The following RABGEF1 variants were observed in gnomAD, a reference collection of about 807,000 sequenced individuals.
RABGEF1 encodes the protein rab5 GDP/GTP exchange factor.
In RABGEF1, 26 loss-of-function variants were observed where a neutral mutation model predicts 57.3. The observed-to-expected ratio is 0.45, with a 90% CI of 0.33 to 0.63. The LOEUF is 0.63. Ranked by LOEUF, RABGEF1 falls within the 20% of genes least tolerant of loss-of-function variation. RABGEF1 has a pLI of 0.02. For synonymous variants in RABGEF1, 185 were observed against 210.7 expected (o/e 0.88, Z 1.06); for missense variants, 464 against 607.6 (o/e 0.76, Z 2.48).
At chr7:66,768,205 C>CAAATTAT (rs1374155057) in intron 1 of RABGEF1, among the ~76,000 whole-genome samples, 1 of 152,196 alleles carries the variant, frequency 6.6e-6, no homozygotes, top group Non-Finnish European at 1.5e-5. Context: ...GGACAGTTAA[C>CAAATTAT]AAATTGTCTT....
At chr7:66,697,650 A>G (rs529885257) in intron 1 of RABGEF1, among the ~76,000 whole-genome samples, 1 of 151,864 alleles carries the variant, frequency 6.6e-6, no homozygotes, top group Admixed American at 6.6e-5. Flanking sequence ...CTCACCATTC[A>G]CTGAGGATTA....
chr7:66,723,161 G>T (rs1486595597), intron 2 of RABGEF1, among the ~76,000 whole-genome samples: 1 of 152,044 alleles, frequency 6.6e-6, no homozygotes, highest in Non-Finnish European at 1.5e-5. Flanking sequence ...TAGAGACGGG[G>T]TTTCACCATG....
chr7:66,692,293 C>T (rs1791639463), intron 1 of RABGEF1, among the ~76,000 whole-genome samples: 1 of 152,204 alleles, frequency 6.6e-6, no homozygotes, highest in African/African-American at 2.4e-5. Context: ...CGGACCCTTT[C>T]TTTGTTGGCT....
chr7:66,708,462 A>G (rs1303581889), intron 1 of RABGEF1, among the ~76,000 whole-genome samples: 1 of 151,752 alleles, frequency 6.6e-6, no homozygotes, highest in Non-Finnish European at 1.5e-5. Flanking sequence ...TAATTTTTGT[A>G]TTTTTAGTAG....
intron 1 of RABGEF1, among the ~76,000 whole-genome samples, chr7:66,710,736 G>A (rs908179398): frequency 9.2e-5 from 14 of 152,210 alleles, no homozygotes; most frequent in African/African-American, 2.9e-4. Flanking sequence ...TGGGGAAATA[G>A]ACTGTTGAGT....
At chr7:66,753,303 T>C (rs1271785066) in intron 1 of RABGEF1, among the ~76,000 whole-genome samples, 3 of 152,202 alleles carry the variant, frequency 2.0e-5, no homozygotes, top group Admixed American at 2.0e-4. Flanking sequence ...GGGTGTATGA[T>C]TGTCCTATTT....
At chr7:66,771,802 C>T (rs1807216715) in intron 1 of RABGEF1, 81 bp from the exon 2 acceptor site, 1 of 1,043,494 alleles carries the variant, frequency 9.6e-7, no homozygotes, top group Non-Finnish European at 1.3e-6. Context: ...AATGGAATCA[C>T]TCACTTTTTG....
chr7:66,706,499 T>G (rs1794111405), intron 1 of RABGEF1, among the ~76,000 whole-genome samples: 1 of 151,838 alleles, frequency 6.6e-6, no homozygotes, highest in Non-Finnish European at 1.5e-5. Flanking sequence ...ACCCTTTGCC[T>G]CCCGGGTTCA....
At chr7:66,801,490 T>G (rs1398274155) in intron 7 of RABGEF1, among the ~76,000 whole-genome samples, 1 of 152,166 alleles carries the variant, frequency 6.6e-6, no homozygotes, top group East Asian at 1.9e-4. Context: ...TATTCATTCT[T>G]TCTAACTTTT....
At chr7:66,664,376 T>C in the RABGEF1 span, among the ~76,000 whole-genome samples, 3 of 151,604 alleles carry the variant, frequency 2.0e-5, no homozygotes, top group East Asian at 5.8e-4. Flanking sequence ...GGTCAGGAGT[T>C]CAAGACCAGC....
intron 6 of RABGEF1, among the ~76,000 whole-genome samples, chr7:66,798,998 A>G (rs1300755967): frequency 1.3e-5 from 2 of 152,226 alleles, no homozygotes; most frequent in African/African-American, 2.4e-5. Flanking sequence ...ACATTAACGC[A>G]GTAGGCAGCG....
the RABGEF1 span, among the ~76,000 whole-genome samples, chr7:66,670,433 A>ATTTTTTT: frequency 3.4e-5 from 4 of 116,064 alleles, no homozygotes; most frequent in African/African-American, 6.3e-5. Flanking sequence ...GAATGAGATG[A>ATTTTTTT]TTTTTTTTTT....
chr7:66,705,443 A>AAGACAGAGAGAGAG lies in RABGEF1; in HGVS notation c.-872-6721_-872-6720insCAGAGAGAGAGAGA, dbSNP rs540794271. On this transcript the variant is annotated intron_variant and NMD_transcript_variant, in intron 1 of 9. Coordinates refer to the RABGEF1 transcript ENST00000607882. ...CAGAGCGAAACTCCATCTCGAAAGA[A>AAGACAGAGAGAGAG]AGAGAGAGAGAGAGAGAGAGAGAGA... Among the ~76,000 whole-genome samples, 173 of 66,372 alleles carry AAGACAGAGAGAGAG rather than the reference A, an allele frequency of 2.6e-3. 16 individuals are homozygous for AAGACAGAGAGAGAG. Among genetic ancestry groups the AAGACAGAGAGAGAG allele is most frequent in the Middle Eastern group, 0.011 (1 of 92 alleles). 43.5% of individuals were successfully genotyped at this position (66,372 alleles called of 152,430 possible). A position where few individuals can be genotyped will look rare whatever the true frequency, so the allele number is the denominator to read the frequency against.
At chr7:66,700,842 C>A (rs1246728997) in intron 1 of RABGEF1, among the ~76,000 whole-genome samples, 3 of 152,220 alleles carry the variant, frequency 2.0e-5, no homozygotes, top group African/African-American at 4.8e-5. Context: ...AAGGCCCCAG[C>A]GGCCCAGGCC....
upstream of RABGEF1, among the ~76,000 whole-genome samples, chr7:66,681,570 TA>T (rs1315319675): frequency 2.4e-5 from 2 of 83,180 alleles, no homozygotes; most frequent in East Asian, 6.6e-4. Flanking sequence ...GGCTGATTTG[TA>T]AAATTTCTTT....
chr7:66,792,194 C>T (rs149372525), intron 4 of RABGEF1, among the ~76,000 whole-genome samples: 25 of 152,136 alleles, frequency 1.6e-4, no homozygotes, highest in African/African-American at 6.0e-4. Flanking sequence ...ACTCACTGCT[C>T]TACTATCTTT....
intron 1 of RABGEF1, among the ~76,000 whole-genome samples, chr7:66,741,637 G>C (rs1316154582): frequency 6.6e-6 from 1 of 152,176 alleles, no homozygotes; most frequent in Non-Finnish European, 1.5e-5. Context: ...GAGCACCTTG[G>C]GAGTTGGTTT....
chr7:66,728,420 C>A (rs1423383758), intron 2 of RABGEF1, among the ~76,000 whole-genome samples: 3 of 152,160 alleles, frequency 2.0e-5, no homozygotes, highest in Non-Finnish European at 4.4e-5. Flanking sequence ...CATGGAGGGA[C>A]CTGGGTCAAG....
chr7:66,720,742 A>G (rs934655715), intron 2 of RABGEF1, among the ~76,000 whole-genome samples: 2 of 152,174 alleles, frequency 1.3e-5, no homozygotes, highest in Non-Finnish European at 2.9e-5. Context: ...ACCAACTGGA[A>G]AGGAGGAAGT....
Sources: gnomAD v4.1 joint callset for allele counts (sites outside exome capture counted in the v4.1 genomes callset) on GRCh38, gnomAD v4.1.1 for gene constraint, MANE v1.5 for transcripts, NCBI Gene and HGNC (gene_info 2026-07-23, HGNC 2026-07-21) for gene names.